TEKT1: variants seen among roughly 807,000 people sequenced by gnomAD.
TEKT1 encodes the protein tektin 1.
In TEKT1, 32 loss-of-function variants were observed where a neutral mutation model predicts 34.8. The observed-to-expected ratio is 0.92, with a 90% CI of 0.69 to 1.23. TEKT1 has a LOEUF of 1.23. TEKT1 is among the 50% of genes most tolerant of loss of function. The pLI, the probability that TEKT1 is intolerant of heterozygous loss-of-function variation, is 0.00. For missense variants in TEKT1, 492 were observed against 518.5 expected, an observed-to-expected ratio of 0.95 and a Z score of 0.50; for synonymous variants, 207 against 199.8, an observed-to-expected ratio of 1.04 and a Z score of -0.30.
rs1036747607 is a variant in TEKT1, at chr17:6,816,797, G to T, written c.357-835C>A. Among the ~76,000 whole-genome samples the T allele has an allele frequency of 2.6e-5, 4 of 152,190 alleles. No individual in the cohort carries two copies. The East Asian group carries it at 7.7e-4, about 29-fold the overall frequency. ...GTAATTCTAGTTCTAGATCCTTGAG[G>T]AATCACCACACTGTCTTCCACAATG... On this transcript the variant is annotated intron_variant, in intron 3 of 7. Transcript: ENST00000338694.
chr17:6,800,752 G>C lies in TEKT1; in HGVS notation c.1044C>G (p.Val348=). ...CCCACTGGCTGCTAGCCTACCTTGC[G>C]ACATTGTGGGTGATCTCTTGAACCT... ...MKEVQEITHN[V]ARLKETLAQA... is the part of the protein sequence containing the mutation. Residue 348 remains valine (V), a synonymous_variant, in exon 7 of 8, where the codon GTC becomes GTG. Transcript: ENST00000338694. The C allele has an allele frequency of 6.2e-7, 1 of 1,610,502 alleles. No individual in the cohort carries two copies. The highest frequency in any genetic ancestry group is 8.5e-7 in the Non-Finnish European group (1 of 1,177,778).
chr17:6,810,056 C>A (rs925227969), intron 6 of TEKT1, among the ~76,000 whole-genome samples: 1 of 152,300 alleles, frequency 6.6e-6, no homozygotes, highest in African/African-American at 2.4e-5. Flanking sequence ...TTGTAAGAAA[C>A]TGCCACCCTC....
intron 3 of TEKT1, 123 bp from the exon 4 acceptor site, chr17:6,816,085 A>G: frequency 7.5e-7 from 1 of 1,334,622 alleles, no homozygotes; most frequent in Non-Finnish European, 1.0e-6. Flanking sequence ...GATCCATCCG[A>G]TGACACAGTG....
At chr17:6,830,437 T>A (rs1484086201) in intron 1 of TEKT1, 44 bp from the exon 2 acceptor site, 8 of 1,305,648 alleles carry the variant, frequency 6.1e-6, no homozygotes, top group Non-Finnish European at 8.3e-6. Flanking sequence ...AAGCAATTTG[T>A]CCTTTTTTAT....
chr17:6,816,352 T>G (rs1235707577), intron 3 of TEKT1, among the ~76,000 whole-genome samples: 1 of 152,158 alleles, frequency 6.6e-6, no homozygotes, highest in Non-Finnish European at 1.5e-5. Context: ...ATTTATATTA[T>G]GTATTTCTCC....
intron 6 of TEKT1, 123 bp downstream of exon 6, chr17:6,812,708 C>G: frequency 2.2e-6 from 2 of 919,702 alleles, no homozygotes; most frequent in South Asian, 3.2e-5. Flanking sequence ...TGACCCTTAC[C>G]CACGAGTTAA....
At chr17:6,802,651 G>A in intron 6 of TEKT1, among the ~76,000 whole-genome samples, 1 of 102,128 alleles carries the variant, frequency 9.8e-6, no homozygotes, top group African/African-American at 3.7e-5. Flanking sequence ...CCCCACAACA[G>A]GCCCTGGTGT....
chr17:6,812,694 T>C, intron 6 of TEKT1, 137 bp downstream of exon 6: 1 of 801,658 alleles, frequency 1.2e-6, no homozygotes, highest in Non-Finnish European at 2.0e-6. Context: ...TTGAGAGATA[T>C]GAATGACCCT....
intron 3 of TEKT1, among the ~76,000 whole-genome samples, chr17:6,816,527 C>T (rs1324049692): frequency 1.3e-5 from 2 of 152,128 alleles, no homozygotes; most frequent in African/African-American, 4.8e-5. Context: ...TGATGGTCTC[C>T]AGCTGCATCC....
At chr17:6,813,088 T>G (rs770338950) in intron 5 of TEKT1, 35 bp from the exon 6 acceptor site, 1 of 1,587,924 alleles carries the variant, frequency 6.3e-7, no homozygotes, top group East Asian at 2.2e-5. Flanking sequence ...TCACAGCATA[T>G]TTGGGGTGGG....
At chr17:6,828,075 A>G (rs1904461974) in intron 2 of TEKT1, among the ~76,000 whole-genome samples, 1 of 151,998 alleles carries the variant, frequency 6.6e-6, no homozygotes, top group Non-Finnish European at 1.5e-5. Flanking sequence ...CTCCTGAGTA[A>G]CCGGGACTAC....
chr17:6,812,330 C>T (rs1051287727), intron 6 of TEKT1, among the ~76,000 whole-genome samples: 2 of 152,136 alleles, frequency 1.3e-5, no homozygotes, highest in African/African-American at 4.8e-5. Flanking sequence ...AAAACACCCT[C>T]TGAGAGCCAG....
chr17:6,814,769 C>A (rs565223029), intron 5 of TEKT1, among the ~76,000 whole-genome samples: 1 of 150,408 alleles, frequency 6.6e-6, no homozygotes, highest in Non-Finnish European at 1.5e-5. Context: ...ACCCGGGAGA[C>A]GGAGCTTGCA....
At chr17:6,802,499 T>C (rs1597784530) in intron 6 of TEKT1, among the ~76,000 whole-genome samples, 1 of 152,144 alleles carries the variant, frequency 6.6e-6, no homozygotes, top group African/African-American at 2.4e-5. Context: ...TTTTTTATTA[T>C]ACTTTAAGTT....
intron 6 of TEKT1, among the ~76,000 whole-genome samples, chr17:6,801,535 C>G (rs1597784135): frequency 6.6e-6 from 1 of 152,002 alleles, no homozygotes; most frequent in Admixed American, 6.6e-5. Context: ...GGTGAAACCC[C>G]CAACTCTACT....
intron 2 of TEKT1, among the ~76,000 whole-genome samples, chr17:6,821,839 G>A (rs1335024289): frequency 6.6e-6 from 1 of 152,182 alleles, no homozygotes; most frequent in Non-Finnish European, 1.5e-5. Flanking sequence ...TTAGCAAAGA[G>A]ACTGGCAGCA....
intron 6 of TEKT1, among the ~76,000 whole-genome samples, chr17:6,803,083 A>G (rs1291153425): frequency 1.3e-5 from 2 of 151,972 alleles, no homozygotes; most frequent in Non-Finnish European, 2.9e-5. Flanking sequence ...CAACAGTGTA[A>G]AAGTGTTCCT....
chr17:6,812,099 T>A (rs1210038021), intron 6 of TEKT1, among the ~76,000 whole-genome samples: 1 of 151,782 alleles, frequency 6.6e-6, no homozygotes, highest in Non-Finnish European at 1.5e-5. Flanking sequence ...AGTGAGAGAG[T>A]TCTCATGAGA....
At position 6,816,025 on chromosome 17, in the gene TEKT1, T is replaced by C. The variant is rs921806905; in HGVS notation, c.357-63A>G. On this transcript the variant is annotated intron_variant, in intron 3 of 7. Transcript: ENST00000338694. ...CAACATGAGGTGACTCAACATTGGC[T>C]AATGGCTGCACACTCAGAACTATCT... is the stretch of plus-strand genomic sequence containing the variant. 20 of 1,599,232 alleles carry C rather than the reference T, an allele frequency of 1.3e-5. 1 individual carries two copies. The South Asian group carries it at 2.0e-4, about 16-fold the overall frequency.
Sources: gnomAD v4.1 joint callset for allele counts (sites outside exome capture counted in the v4.1 genomes callset) on GRCh38, gnomAD v4.1.1 for gene constraint, MANE v1.5 for transcripts, NCBI Gene and HGNC (gene_info 2026-07-23, HGNC 2026-07-21) for gene names.